The following ZAN variants were observed in gnomAD, a reference collection of about 807,000 sequenced individuals.
The protein encoded by ZAN is zonadhesin (gene/pseudogene).
ZAN carries 260 observed loss-of-function variants against 286.2 expected under a neutral mutation model. The observed-to-expected ratio is 0.91, with a 90% confidence interval of 0.82 to 1.01. The LOEUF (loss-of-function observed/expected upper bound fraction) is 1.01. Ranked by LOEUF, ZAN falls within the 50% of genes least tolerant of loss-of-function variation. The pLI is 0.00. For missense variants in ZAN, 3,410 were observed against 3,639.2 expected (o/e 0.94, Z 1.62); for synonymous variants, 1,368 against 1,417.5 (o/e 0.97, Z 0.79).
At chr7:100,742,325 C>T (rs1457106442) in intron 7 of ZAN, among the ~76,000 whole-genome samples, 3 of 71,500 alleles carry the variant, frequency 4.2e-5, no homozygotes, top group East Asian at 3.5e-4. Context: ...TGGGAAGAGG[C>T]GCTCCTCACT....
At chr7:100,767,478 T>G (rs1226720523) in intron 25 of ZAN, among the ~76,000 whole-genome samples, 2 of 141,038 alleles carry the variant, frequency 1.4e-5, no homozygotes, top group East Asian at 4.0e-4. Context: ...TTTTTTTTTT[T>G]TTTTTTTTTT....
At chr7:100,745,950 G>A (rs781733622) in intron 7 of ZAN, among the ~76,000 whole-genome samples, 2 of 151,804 alleles carry the variant, frequency 1.3e-5, no homozygotes, top group Non-Finnish European at 2.9e-5. Context: ...CAGGCCAGAT[G>A]TGATGGCTCA....
At position 100,760,377 on chromosome 7, in the gene ZAN, G is replaced by C. The variant is rs752553371; in HGVS notation, c.3697-14G>C. On this transcript the variant is annotated splice_polypyrimidine_tract_variant and intron_variant, in intron 18 of 47. Coordinates refer to ENST00000613979, the MANE Select transcript of ZAN (RefSeq NM_003386.3). ...CCAGCTCTGTCTGTCTCTTGCCTCT[G>C]CCCTGCCTTCCAGGTTGGGGGTCAG... 3.1e-6 allele frequency: 5 copies of C among 1,613,336 alleles called. No homozygotes were observed. Among genetic ancestry groups the C allele is most frequent in the South Asian group, 1.1e-5 (1 of 91,030 alleles).
intron 42 of ZAN, among the ~76,000 whole-genome samples, chr7:100,793,459 GAC>G (rs1353768256): frequency 6.6e-6 from 1 of 152,076 alleles, no homozygotes; most frequent in Admixed American, 6.6e-5. Flanking sequence ...TGTTGTCTGA[GAC>G]AGAGTTCGCT....
intron 15 of ZAN, among the ~76,000 whole-genome samples, chr7:100,756,662 T>C (rs1809168267): frequency 6.6e-6 from 1 of 151,806 alleles, no homozygotes; most frequent in African/African-American, 2.4e-5. Flanking sequence ...ACCAAGAAGC[T>C]CTTCCCTCTG....
Position 100,762,359 on chromosome 7 carries a change from G to A in ZAN, c.3986+1G>A. 1 of 1,604,026 alleles carries A rather than the reference G, an allele frequency of 6.2e-7. No individual in the cohort carries two copies. Among genetic ancestry groups the A allele is most frequent in the African/African-American group, 1.3e-5 (1 of 74,374 alleles). ...AGACGGACCAGGACGAGGACCAGGA[G>A]TGAGCAAGGAGCCCTCCCACCGGGG... On this transcript the variant is annotated splice_donor_variant, in intron 20 of 47. Coordinates refer to ENST00000613979, the MANE Select transcript of ZAN (RefSeq NM_003386.3). LOFTEE classifies it high-confidence loss of function.
chr7:100,766,627 T>C lies in ZAN; in HGVS notation c.4573T>C (p.Cys1525Arg), dbSNP rs1427305140. The C allele has an allele frequency of 1.3e-6, 2 of 1,563,316 alleles. No individual in the cohort carries two copies. The highest frequency in any genetic ancestry group is 1.7e-6 in the Non-Finnish European group (2 of 1,153,978). The change falls in exon 24 of 48, where the codon TGT becomes CGT. Residue 1525 changes from cysteine to arginine, a missense_variant. Physicochemically the swap from Cys to Arg is radical, Grantham distance 180. Around this residue, in one of 7 missense-constraint regions of ZAN, gnomAD observed 1,042 missense variants for 1,058.0 expected, o/e 0.98. Coordinates refer to ENST00000613979, the MANE Select transcript of ZAN (RefSeq NM_003386.3). ...QPWRCRAQEF[C>R]GQQDGIYGCH... is the part of the protein sequence containing the mutation. ...CTGGAGGTGTAGGGCCCAGGAGTTC[T>C]GTGGCCAACAGGATGGTATCTATGG...
chr7:100,791,410 TCTTCTTCTCCTCCTCCTA>T (rs1246759571), intron 40 of ZAN, among the ~76,000 whole-genome samples: 1 of 151,468 alleles, frequency 6.6e-6, no homozygotes, highest in Non-Finnish European at 1.5e-5. Context: ...TCCTCCTCCT[TCTTCTTCTCCTCCTCCTA>T]CTTCTTCTTC....
chr7:100,769,920 A>G lies in ZAN; in HGVS notation c.5194A>G (p.Asn1732Asp), dbSNP rs367951604. The change falls in exon 28 of 48, where the codon AAC (asparagine) becomes GAC (aspartate). Residue 1732 changes from asparagine to aspartate, a missense_variant. By Grantham distance (23) the Asn-to-Asp change is conservative. Transcript: ENST00000613979. ...TGGCAAGCCCTCCAGCTGCCAGGAG[A>G]ACAGCATGGCAGACGCCTGGAACAA... ...VGGKPSSCQE[N>D]SMADAWNKNC... The G allele has an allele frequency of 3.1e-5, 49 of 1,565,702 alleles. No individual in the cohort carries two copies. Among genetic ancestry groups the G allele is most frequent in the Non-Finnish European group, 3.8e-5 (44 of 1,154,638 alleles).
At chr7:100,749,687 CATATATAT>C (rs1808503595) in intron 11 of ZAN, among the ~76,000 whole-genome samples, 1 of 136,006 alleles carries the variant, frequency 7.4e-6, no homozygotes, top group African/African-American at 2.7e-5. Flanking sequence ...CACACACACA[CATATATAT>C]ACACACATAT....
chr7:100,743,884 A>G (rs1179640321), intron 7 of ZAN, among the ~76,000 whole-genome samples: 1 of 151,244 alleles, frequency 6.6e-6, no homozygotes, highest in African/African-American at 2.4e-5. Flanking sequence ...CTCAAAATAA[A>G]TAAATAAATA....
At chr7:100,781,171 G>C (rs773164938) in intron 35 of ZAN, among the ~76,000 whole-genome samples, 3 of 152,062 alleles carry the variant, frequency 2.0e-5, no homozygotes, top group Non-Finnish European at 4.4e-5. Flanking sequence ...GGGTTCAAGA[G>C]ATTCTCCTGC....
Position 100,752,183 on chromosome 7 carries a change from C to A in ZAN, c.2078C>A (p.Thr693Lys). The change falls in exon 14 of 48, where the codon ACG (threonine) becomes AAG (lysine). Residue 693 changes from threonine (T) to lysine (K), a missense_variant. By Grantham distance (78) the Thr-to-Lys change is moderately conservative. Transcript: ENST00000613979. ...CCTACAGAAAAACCCAGCATCCCCA[C>A]GGAAAAACCCACCATCTCCATGGAA... ...SIPTEKPSIPTEKPTISMEET... is the reference protein window; with the variant it reads ...SIPTEKPSIPKEKPTISMEET... 1.2e-6 allele frequency: 2 copies of A among 1,611,044 alleles called. No homozygotes were observed. Among genetic ancestry groups the A allele is most frequent in the Non-Finnish European group, 1.7e-6 (2 of 1,179,264 alleles).
Position 100,768,648 on chromosome 7 carries a change from C to A in ZAN, c.5080C>A (p.Pro1694Thr). 6.2e-7 allele frequency: 1 copy of A among 1,611,036 alleles called. No individual in the cohort carries two copies. The highest frequency in any genetic ancestry group is 2.2e-5 in the East Asian group (1 of 44,790). The part of the protein sequence containing the change: ...NNNSLDDNLR[P>T]DRKLAGDSMQ... ...CAACAGCTTGGATGACAACCTGCGC[C>A]CCGACAGAAAGCTTGCAGGCGATTC... is the stretch of plus-strand genomic sequence containing the variant. The change falls in exon 27 of 48, where the codon CCC becomes ACC. Residue 1694 changes from proline (P) to threonine (T), a missense_variant. Around this residue, in one of 7 missense-constraint regions of ZAN, gnomAD observed 1,042 missense variants for 1,058.0 expected, o/e 0.98. Transcript: ENST00000613979.
At chr7:100,745,650 C>T (rs1808162700) in intron 7 of ZAN, among the ~76,000 whole-genome samples, 1 of 152,006 alleles carries the variant, frequency 6.6e-6, no homozygotes. Context: ...CTTTGGGAGG[C>T]CAAGGCGGGA....
At chr7:100,781,006 AAAC>A (rs1457294800) in intron 35 of ZAN, among the ~76,000 whole-genome samples, 7 of 152,104 alleles carry the variant, frequency 4.6e-5, no homozygotes, top group African/African-American at 9.6e-5. Context: ...GAGAATTGAA[AAAC>A]AACGTCTTAT....
chr7:100,792,994 A>G (rs12540135), intron 42 of ZAN, among the ~76,000 whole-genome samples: 10,574 of 120,370 alleles, frequency 0.088, 1,755 homozygotes, highest in East Asian at 0.54. Context: ...AAAAAAAAAA[A>G]AAAGAAAGAA....
chr7:100,790,776 G>A (rs1811886523), intron 39 of ZAN, among the ~76,000 whole-genome samples, 166 bp from the exon 40 acceptor site: 1 of 150,898 alleles, frequency 6.6e-6, no homozygotes, highest in Middle Eastern at 3.4e-3. Flanking sequence ...CCAGCTACTC[G>A]GGAGGCTGAG....
chr7:100,751,901 C>T lies in ZAN; in HGVS notation c.1796C>T (p.Thr599Ile). 6.2e-7 allele frequency: 1 copy of T among 1,613,412 alleles called. No individual in the cohort carries two copies. Among genetic ancestry groups the T allele is most frequent in the Non-Finnish European group, 8.5e-7 (1 of 1,179,790 alleles). ...CCCACCATTCCCACAGAAAAACCCA[C>T]CATCTCCACAGAAAAACCCACCATT... ...EKPTIPTEKPTISTEKPTIPS... is the reference protein window; with the variant it reads ...EKPTIPTEKPIISTEKPTIPS... Residue 599 changes from threonine to isoleucine, a missense_variant, in exon 14 of 48, where the codon ACC (threonine) becomes ATC (isoleucine). Thr to Ile is a moderately conservative substitution (Grantham distance 89). Transcript: ENST00000613979.
Sources: gnomAD v4.1 joint callset for allele counts (sites outside exome capture counted in the v4.1 genomes callset) on GRCh38, gnomAD v4.1.1 for gene constraint, gnomAD v4.1.1 regional missense constraint, MANE v1.5 for transcripts, NCBI Gene and HGNC (gene_info 2026-07-23, HGNC 2026-07-21) for gene names.